PLEKHH1: variants seen among roughly 807,000 people sequenced by gnomAD.
The protein encoded by PLEKHH1 is pleckstrin homology domain-containing family H member 1.
Under a neutral mutation model 160.0 loss-of-function variants are expected in PLEKHH1, and 104 were observed. The ratio of observed to expected loss-of-function variants is 0.65; its 90% CI spans 0.55 to 0.76. The LOEUF is 0.76. PLEKHH1 is among the 30% of genes least tolerant of loss of function. PLEKHH1 has a pLI of 0.00. For missense variants in PLEKHH1, 1,427 were observed against 1,724.1 expected, an observed-to-expected ratio of 0.83 and a Z score of 3.05; for synonymous variants, 619 against 678.4, an observed-to-expected ratio of 0.91 and a Z score of 1.36.
Position 67,573,175 on chromosome 14 carries a change from G to A in PLEKHH1, c.1729-101G>A, listed in dbSNP as rs2035466494. 1 of 705,950 alleles carries A rather than the reference G, an allele frequency of 1.4e-6. No homozygotes were observed. Among genetic ancestry groups the A allele is most frequent in the Non-Finnish European group, 2.5e-6 (1 of 396,822 alleles). 43.7% of individuals were successfully genotyped at this position (705,950 alleles called of 1,614,324 possible). Reference sequence around the variant, plus strand: ...GTACTCAATAATTTTGTATTTAATTGATGACCGAGTAGTGAGGCAGCTGGA... The same window carrying A: ...GTACTCAATAATTTTGTATTTAATTAATGACCGAGTAGTGAGGCAGCTGGA... On this transcript the variant is annotated intron_variant, in intron 11 of 28. Transcript: ENST00000329153. The surrounding 1 kb of genome is among the most constrained non-coding windows in gnomAD (Gnocchi z 4.8).
rs377260849 is a variant in PLEKHH1, at chr14:67,572,183, C to T, written c.1634C>T (p.Pro545Leu). 3.3e-5 allele frequency: 53 copies of T among 1,607,670 alleles called. No individual in the cohort carries two copies. The highest frequency in any genetic ancestry group is 4.2e-5 in the Non-Finnish European group (49 of 1,177,420). Residue 545 changes from proline to leucine, a missense_variant, in exon 11 of 29, where the codon CCG becomes CTG. By Grantham distance (98) the Pro-to-Leu change is moderately conservative. This residue lies in a region of PLEKHH1 where 831 missense variants were observed against 929.2 expected (regional missense o/e 0.89). Transcript: ENST00000329153. ...LSSEGDYAIP[P>L]DACSLDSDYS... ...TCCGAGGGTGACTACGCCATCCCCC[C>T]GGACGCCTGCTCACTGGACAGTGAC... is the stretch of plus-strand genomic sequence containing the variant.
chr14:67,572,128 C>T lies in PLEKHH1; in HGVS notation c.1586-7C>T, dbSNP rs747903121. On this transcript the variant is annotated splice_region_variant and splice_polypyrimidine_tract_variant and intron_variant, in intron 10 of 28. Coordinates refer to ENST00000329153, the MANE Select transcript of PLEKHH1 (RefSeq NM_020715.3). ...ACCCGGGCCTTGACTCCTCCTCCCT[C>T]GGCAAGGCGTCTCCATGTCCTCACT... 14 of 1,603,128 alleles carry T rather than the reference C, an allele frequency of 8.7e-6. No individual in the cohort carries two copies. The South Asian group carries it at 1.0e-4, about 12-fold the overall frequency.
At position 67,579,739 on chromosome 14, in the gene PLEKHH1, T is replaced by C. The variant is rs371136142; in HGVS notation, c.3046T>C (p.Ser1016Pro). Residue 1016 changes from serine to proline, a missense_variant, in exon 22 of 29, where the codon TCT (serine) becomes CCT (proline). Coordinates refer to ENST00000329153, the MANE Select transcript of PLEKHH1 (RefSeq NM_020715.3). ...GTYHVVGFDGSSTVDEFLQRL... is the reference protein window; with the variant it reads ...GTYHVVGFDGPSTVDEFLQRL... ...GCCTCAGGTGGTTGGTTTTGACGGC[T>C]CTTCCACGGTTGATGAGTTCCTCCA... The C allele has an allele frequency of 8.7e-5, 141 of 1,612,792 alleles. No individual in the cohort carries two copies. Among genetic ancestry groups the C allele is most frequent in the Non-Finnish European group, 8.8e-5 (104 of 1,179,550 alleles).
At chr14:67,544,371 T>A (rs1006250865) in intron 2 of PLEKHH1, among the ~76,000 whole-genome samples, 3 of 152,090 alleles carry the variant, frequency 2.0e-5, no homozygotes, top group Admixed American at 6.6e-5. Context: ...GGGAGCCTGG[T>A]AGGGACAGAA....
At chr14:67,585,482 T>C (rs2036107236) in intron 26 of PLEKHH1, 86 bp from the exon 27 acceptor site, 2 of 864,136 alleles carry the variant, frequency 2.3e-6, no homozygotes, top group African/African-American at 1.7e-5. Flanking sequence ...AGCAGATCCC[T>C]GGATGTGCCT....
intron 17 of PLEKHH1, among the ~76,000 whole-genome samples, 188 bp from the exon 18 acceptor site, chr14:67,577,114 T>C (rs933459306): frequency 3.3e-5 from 5 of 152,222 alleles, no homozygotes; most frequent in African/African-American, 1.2e-4. Flanking sequence ...GCCATGCTTA[T>C]ATGAGGGTGC....
intron 15 of PLEKHH1, 89 bp downstream of exon 15, chr14:67,575,561 C>T: frequency 1.2e-6 from 1 of 823,748 alleles, no homozygotes; most frequent in South Asian, 1.4e-5. Context: ...AGTCCCTACC[C>T]CACGTAACCC....
chr14:67,574,174 C>T lies in PLEKHH1; in HGVS notation c.1927-68C>T, dbSNP rs116633166. The stretch of plus-strand genomic sequence containing the variant: ...TTGGGTTCAGGGACAGGTGCCACCT[C>T]GGAGCCAGGTCCTGGTTACTCCATT... On this transcript the variant is annotated intron_variant, in intron 13 of 28. Coordinates refer to ENST00000329153, the MANE Select transcript of PLEKHH1 (RefSeq NM_020715.3). The surrounding 1 kb of genome is among the most constrained non-coding windows in gnomAD (Gnocchi z 4.2). 1,252 of 1,420,276 alleles carry T rather than the reference C, an allele frequency of 8.8e-4. 16 individuals are homozygous for T. The African/African-American group carries it at 0.016, about 18-fold the overall frequency. 88.0% of individuals were successfully genotyped at this position (1,420,276 alleles called of 1,614,324 possible).
chr14:67,546,962 G>T (rs1000063970), intron 2 of PLEKHH1, among the ~76,000 whole-genome samples: 3 of 151,968 alleles, frequency 2.0e-5, no homozygotes, highest in African/African-American at 7.3e-5. Context: ...TTCCTCAGGG[G>T]CCAACAGAGT....
chr14:67,534,014 GA>G (rs1476767105), intron 1 of PLEKHH1, among the ~76,000 whole-genome samples: 2 of 151,952 alleles, frequency 1.3e-5, no homozygotes, highest in African/African-American at 4.8e-5. Context: ...TGCTTGCCAG[GA>G]TATCTCCTCC....
intron 9 of PLEKHH1, 135 bp from the exon 10 acceptor site, chr14:67,571,617 G>A (rs1474900035): frequency 3.8e-6 from 3 of 785,654 alleles, no homozygotes; most frequent in Non-Finnish European, 6.4e-6. Flanking sequence ...ACCTTACACT[G>A]GACAGTTGTC....
chr14:67,585,214 C>T (rs774824516), intron 26 of PLEKHH1: 13 of 182,782 alleles, frequency 7.1e-5, no homozygotes, highest in Admixed American at 1.2e-4. Flanking sequence ...AGAAAACCAG[C>T]TGTTCCCCAT....
intron 7 of PLEKHH1, among the ~76,000 whole-genome samples, chr14:67,566,487 G>T (rs913330955): frequency 6.6e-6 from 1 of 152,158 alleles, no homozygotes; most frequent in Non-Finnish European, 1.5e-5. Flanking sequence ...GCTCACACCT[G>T]TAATCCCAGC....
At chr14:67,534,769 T>C (rs2033633231) in intron 1 of PLEKHH1, among the ~76,000 whole-genome samples, 3 of 152,168 alleles carry the variant, frequency 2.0e-5, no homozygotes, top group African/African-American at 7.2e-5. Context: ...GGGGAGAGCA[T>C]GTTCCTCCCA....
At chr14:67,565,532 G>C (rs2035049309) in intron 7 of PLEKHH1, among the ~76,000 whole-genome samples, 2 of 152,214 alleles carry the variant, frequency 1.3e-5, no homozygotes. Flanking sequence ...CTGAGAGCCA[G>C]GCTTTAAATG....
rs183321530 is a variant in PLEKHH1, at chr14:67,539,705, G to C, written c.-34-2129G>C. ...TTTTTTTGGATGGGTAAAGAGCACA[G>C]AGTGGCAATGAACAAGGAATTTGGG... On this transcript the variant is annotated intron_variant, in intron 1 of 28. Transcript: ENST00000329153. Among the ~76,000 whole-genome samples the C allele has an allele frequency of 7.9e-5, 12 of 152,306 alleles. No individual in the cohort carries two copies. The East Asian group carries it at 2.3e-3, about 29-fold the overall frequency.
At chr14:67,555,712 A>C (rs2034565866) in intron 2 of PLEKHH1, 113 bp from the exon 3 acceptor site, 1 of 1,473,204 alleles carries the variant, frequency 6.8e-7, no homozygotes, top group Middle Eastern at 1.8e-4. Flanking sequence ...TGAGATGGGC[A>C]CTTGAAGTCT....
In PLEKHH1 at chr14:67,557,430, T is replaced by C. The variant is rs751922473; in HGVS notation, c.339+12T>C. 3.3e-5 allele frequency: 53 copies of C among 1,611,088 alleles called. No homozygotes were observed. Among genetic ancestry groups the C allele is most frequent in the Admixed American group, 6.7e-5 (4 of 59,972 alleles). ...AGCTGGAGAAGCAGGTAAGGGCTCA[T>C]GCGCAAGGGAGCACCATGCCCTCTT... On this transcript the variant is annotated intron_variant, in intron 4 of 28. Coordinates refer to ENST00000329153, the MANE Select transcript of PLEKHH1 (RefSeq NM_020715.3).
In PLEKHH1 at chr14:67,577,339, C is replaced by T; in HGVS notation, c.2499C>T (p.Ser833=). The T allele has an allele frequency of 6.3e-7, 1 of 1,583,024 alleles. No homozygotes were observed. The highest frequency in any genetic ancestry group is 8.6e-7 in the Non-Finnish European group (1 of 1,165,014). Residue 833 remains serine (S), a synonymous_variant, in exon 18 of 29, where the codon AGC becomes AGT. Transcript: ENST00000329153. ...GGAGGCACCCCATGCTGTGCTACAGCAAAGACGGCCTATACGCCTCCCTCA... is the reference window on the plus strand; with the variant it reads ...GGAGGCACCCCATGCTGTGCTACAGTAAAGACGGCCTATACGCCTCCCTCA... ...PLWRHPMLCY[S]KDGLYASLTT...
Sources: allele counts gnomAD v4.1 joint callset (sites outside exome capture counted in the v4.1 genomes callset), GRCh38; gene constraint gnomAD v4.1.1; regional missense constraint gnomAD v4.1.1; non-coding constraint Gnocchi (gnomAD v3.1); transcripts MANE v1.5; gene names NCBI Gene and HGNC (gene_info 2026-07-23, HGNC 2026-07-21).